SPTY2D1: variants seen among roughly 807,000 people sequenced by gnomAD.
SPTY2D1 encodes protein SPT2 homolog.
A neutral mutation model predicts 64.0 loss-of-function variants in SPTY2D1; 21 were observed. The observed-to-expected ratio is 0.33, with a 90% CI of 0.23 to 0.47. The LOEUF is 0.47. Among genes scored for constraint, SPTY2D1 ranks in the 20% least tolerant of loss-of-function variants. The pLI, the probability that SPTY2D1 is intolerant of heterozygous loss-of-function variation, is 1.00. For missense variants in SPTY2D1, 724 were observed against 837.2 expected (o/e 0.86, Z 1.67); for synonymous variants, 287 against 286.8 (o/e 1.00, Z -0.01).
At chr11:18,626,873 C>T (rs1334254817) in intron 1 of SPTY2D1, among the ~76,000 whole-genome samples, 2 of 152,086 alleles carry the variant, frequency 1.3e-5, no homozygotes, top group Non-Finnish European at 2.9e-5. Flanking sequence ...GACCCTCTCC[C>T]TAAAACACTA....
At position 18,634,117 on chromosome 11, in the gene SPTY2D1, G is replaced by A. The variant is rs1028486703; in HGVS notation, c.60+81C>T. On this transcript the variant is annotated intron_variant, in intron 1 of 5. Coordinates refer to ENST00000336349, the MANE Select transcript of SPTY2D1 (RefSeq NM_194285.3). ...CCTCTCCCGGAGCCGATAGGCGGCT[G>A]CCCAGAAGTTCCATGGGCCACACAC... 2.0e-6 allele frequency: 3 copies of A among 1,509,940 alleles called. No individual in the cohort carries two copies. In the Admixed American group the frequency reaches 5.1e-5, roughly 26 times the overall value. 93.5% of individuals were successfully genotyped at this position (1,509,940 alleles called of 1,614,324 possible).
chr11:18,634,176 T>A, intron 1 of SPTY2D1, 22 bp downstream of exon 1: 1 of 1,614,032 alleles, frequency 6.2e-7, no homozygotes. Flanking sequence ...TCCCCTACAT[T>A]GATGCCCCAG....
In SPTY2D1 at chr11:18,615,665, C is replaced by T. The variant is rs377020935; in HGVS notation, c.609G>A (p.Arg203=). The change falls in exon 3 of 6, where the codon AGG becomes AGA. Residue 203 remains arginine, a synonymous_variant. Coordinates refer to ENST00000336349, the MANE Select transcript of SPTY2D1 (RefSeq NM_194285.3). ...GCTTTCGTTCAAGGAATTCTCGCTC[C>T]CTAAGTTCTTCTGCGGTCATAGGTC... ...EERPMTAEEL[R]EREFLERKHR... is the part of the protein sequence containing the mutation. 1.5e-5 allele frequency: 25 copies of T among 1,614,172 alleles called. No individual in the cohort carries two copies. The South Asian group carries it at 2.5e-4, about 16-fold the overall frequency.
chr11:18,627,434 AAAC>A (rs954360744), intron 1 of SPTY2D1, among the ~76,000 whole-genome samples: 15 of 151,118 alleles, frequency 9.9e-5, no homozygotes, highest in East Asian at 3.9e-4. Flanking sequence ...CCATCTCCAA[AAAC>A]AACAACAACA....
chr11:18,614,826 C>A lies in SPTY2D1; in HGVS notation c.1448G>T (p.Gly483Val), dbSNP rs1854264579. 1 of 1,613,432 alleles carries A rather than the reference C, an allele frequency of 6.2e-7. No individual in the cohort carries two copies. The highest frequency in any genetic ancestry group is 8.5e-7 in the Non-Finnish European group (1 of 1,179,634). Residue 483 changes from glycine to valine, a missense_variant, in exon 3 of 6, where the codon GGC (glycine) becomes GTC (valine). By Grantham distance (109) the Gly-to-Val change is moderately radical. This residue lies in a region of SPTY2D1 where 426 missense variants were observed against 431.8 expected (regional missense o/e 0.99). Coordinates refer to ENST00000336349, the MANE Select transcript of SPTY2D1 (RefSeq NM_194285.3). Reference sequence around the variant, plus strand: ...GCCACTGACAGACCGCCCCGGGGGGCCCAAGCCACTCACTGGTCGTCGAAG... The same window carrying A: ...GCCACTGACAGACCGCCCCGGGGGGACCAAGCCACTCACTGGTCGTCGAAG... Reference protein sequence around the residue: ...HELRRPVSGLGPPGRSVSGPG... With the variant: ...HELRRPVSGLVPPGRSVSGPG...
Position 18,616,106 on chromosome 11 carries a change from G to A in SPTY2D1, c.176-8C>T. Reference sequence around the variant, plus strand: ...TCCTTTTCTCCTCTAAGGCTAAAAGGGACAAAACAAGAATATGTTATTACT... The same window carrying A: ...TCCTTTTCTCCTCTAAGGCTAAAAGAGACAAAACAAGAATATGTTATTACT... On this transcript the variant is annotated splice_polypyrimidine_tract_variant and splice_region_variant and intron_variant, in intron 2 of 5. Coordinates refer to ENST00000336349, the MANE Select transcript of SPTY2D1 (RefSeq NM_194285.3). 1 of 1,579,874 alleles carries A rather than the reference G, an allele frequency of 6.3e-7. No individual in the cohort carries two copies. The highest frequency in any genetic ancestry group is 8.6e-7 in the Non-Finnish European group (1 of 1,164,554).
chr11:18,625,837 A>AGACCT (rs1854488541), intron 1 of SPTY2D1, among the ~76,000 whole-genome samples: 1 of 132,276 alleles, frequency 7.6e-6, no homozygotes, highest in African/African-American at 3.0e-5. Flanking sequence ...TTTTTTTGAG[A>AGACCT]TGGAGTCTCG....
intron 1 of SPTY2D1, among the ~76,000 whole-genome samples, chr11:18,623,607 T>C (rs1854451353): frequency 6.6e-6 from 1 of 152,234 alleles, no homozygotes; most frequent in Non-Finnish European, 1.5e-5. Flanking sequence ...TGGATGGGTC[T>C]CATCCAATCA....
At chr11:18,618,376 C>T (rs541060549) in intron 1 of SPTY2D1, among the ~76,000 whole-genome samples, 1 of 152,236 alleles carries the variant, frequency 6.6e-6, no homozygotes, top group African/African-American at 2.4e-5. Context: ...GTCTCTGGAC[C>T]TCAGTTTTTA....
chr11:18,616,749 A>G (rs1854305466), intron 2 of SPTY2D1, 126 bp downstream of exon 2: 1 of 744,056 alleles, frequency 1.3e-6, no homozygotes, highest in Non-Finnish European at 2.2e-6. Context: ...ACACACACAC[A>G]CACACACACA....
rs750898450 is a variant in SPTY2D1, at chr11:18,615,378, G to A, written c.896C>T (p.Ser299Leu). The change falls in exon 3 of 6, where the codon TCA becomes TTA. Residue 299 changes from serine to leucine, a missense_variant. Ser to Leu is a moderately radical substitution (Grantham distance 145). Around this residue, in one of 3 missense-constraint regions of SPTY2D1, gnomAD observed 426 missense variants for 431.8 expected, o/e 0.99. Coordinates refer to ENST00000336349, the MANE Select transcript of SPTY2D1 (RefSeq NM_194285.3). Reference protein sequence around the residue: ...KAGSGNSSQPSLREGHDKPVF... With the variant: ...KAGSGNSSQPLLREGHDKPVF... The stretch of plus-strand genomic sequence containing the variant: ...AGGTTTGTCGTGGCCCTCACGAAGT[G>A]AGGGTTGGGAGCTATTGCCAGATCC... 141 of 1,614,138 alleles carry A rather than the reference G, an allele frequency of 8.7e-5. No homozygotes were observed. Among genetic ancestry groups the A allele is most frequent in the Non-Finnish European group, 1.2e-4 (139 of 1,180,054 alleles).
chr11:18,621,763 C>T (rs1854408696), intron 1 of SPTY2D1, among the ~76,000 whole-genome samples: 1 of 152,122 alleles, frequency 6.6e-6, no homozygotes, highest in Non-Finnish European at 1.5e-5. Context: ...GAGCCATAAT[C>T]AATTAATTTC....
At chr11:18,630,240 G>A (rs1854565892) in intron 1 of SPTY2D1, among the ~76,000 whole-genome samples, 1 of 151,890 alleles carries the variant, frequency 6.6e-6, no homozygotes, top group South Asian at 2.1e-4. Flanking sequence ...ACTTTGGGAG[G>A]CCGAGGCAGG....
At chr11:18,620,908 TTAAAA>T (rs1440782077) in intron 1 of SPTY2D1, among the ~76,000 whole-genome samples, 1 of 150,332 alleles carries the variant, frequency 6.7e-6, no homozygotes, top group Non-Finnish European at 1.5e-5. Flanking sequence ...AAAAATACTA[TTAAAA>T]TAAAAAATAT....
chr11:18,612,448 C>T lies in SPTY2D1; in HGVS notation c.1752G>A (p.Gln584=). Residue 584 remains glutamine, a synonymous_variant, in exon 4 of 6, where the codon CAG becomes CAA. Transcript: ENST00000336349. This position sits in a 1 kb window ranked among gnomAD's most constrained non-coding sequence, Gnocchi z 4.6. ...RLPFPTGYKR[Q]REYEEEDDDD... is the part of the protein sequence containing the mutation. Reference sequence around the variant, plus strand: ...CGTCATCTTCCTCTTCATATTCTCGCTGCCTTTTGTAACCAGTAGGGAAGG... The same window carrying T: ...CGTCATCTTCCTCTTCATATTCTCGTTGCCTTTTGTAACCAGTAGGGAAGG... The T allele has an allele frequency of 1.2e-6, 2 of 1,608,624 alleles. No homozygotes were observed. Among genetic ancestry groups the T allele is most frequent in the Non-Finnish European group, 1.7e-6 (2 of 1,177,230 alleles).
rs373491784 is a variant in SPTY2D1, at chr11:18,614,702, A to T, written c.1572T>A (p.Val524=). The T allele has an allele frequency of 6.2e-6, 10 of 1,614,112 alleles. No individual in the cohort carries two copies. The African/African-American group carries it at 1.3e-4, about 22-fold the overall frequency. ...PVSSLGPGQT[V]SSSGPTIKPK... The stretch of plus-strand genomic sequence containing the variant: ...GCTTTATAGTGGGACCTGAGCTACT[A>T]ACTGTTTGCCCAGGTCCCAAGCTGC... Residue 524 remains valine, a synonymous_variant, in exon 3 of 6, where the codon GTT becomes GTA. Coordinates refer to ENST00000336349, the MANE Select transcript of SPTY2D1 (RefSeq NM_194285.3).
intron 1 of SPTY2D1, among the ~76,000 whole-genome samples, chr11:18,627,858 A>T (rs921787864): frequency 6.6e-6 from 1 of 150,958 alleles, no homozygotes; most frequent in Non-Finnish European, 1.5e-5. Context: ...CAGCCTGGGC[A>T]ACAGAGCAAG....
In SPTY2D1 at chr11:18,615,221, G is replaced by A; in HGVS notation, c.1053C>T (p.Ser351=). ...GTGGGGTGACCATGGGCCCAGGCCT[G>A]GAATGGCTAGGATGGGACAGAGATT... is the stretch of plus-strand genomic sequence containing the variant. The part of the protein sequence containing the change: ...AKKSLSHPSH[S]RPGPMVTPHN... The change falls in exon 3 of 6, where the codon TCC becomes TCT. Residue 351 remains serine (S), a synonymous_variant. Transcript: ENST00000336349. The A allele has an allele frequency of 6.2e-7, 1 of 1,614,222 alleles. No homozygotes were observed.
At chr11:18,620,472 C>A (rs1009595026) in intron 1 of SPTY2D1, among the ~76,000 whole-genome samples, 1 of 151,602 alleles carries the variant, frequency 6.6e-6, no homozygotes, top group African/African-American at 2.4e-5. Flanking sequence ...GAGTGAGACT[C>A]GGTCTCAAAA....
Sources: gnomAD v4.1 joint callset for allele counts (sites outside exome capture counted in the v4.1 genomes callset) on GRCh38, gnomAD v4.1.1 for gene constraint, gnomAD v4.1.1 regional missense constraint, Gnocchi (gnomAD v3.1) non-coding constraint, MANE v1.5 for transcripts, NCBI Gene and HGNC (gene_info 2026-07-23, HGNC 2026-07-21) for gene names.